Variants in ELAPOR1 observed in about 807,000 individuals in gnomAD.
ELAPOR1 encodes endosome-lysosome associated apoptosis and autophagy regulator 1.
ELAPOR1 carries 77 observed loss-of-function variants against 119.7 expected under a neutral mutation model. The observed-to-expected ratio is 0.64, with a 90% CI of 0.54 to 0.78. ELAPOR1 has a LOEUF of 0.78. Among genes scored for constraint, ELAPOR1 ranks in the 30% least tolerant of loss-of-function variants. The pLI, the probability that ELAPOR1 is intolerant of heterozygous loss-of-function variation, is 0.00. For missense variants in ELAPOR1, 1,115 were observed against 1,270.4 expected (o/e 0.88, Z 1.86); for synonymous variants, 481 against 487.2 (o/e 0.99, Z 0.17).
intron 1 of ELAPOR1, among the ~76,000 whole-genome samples, chr1:109,127,503 C>T (rs1211903604): frequency 6.6e-6 from 1 of 151,850 alleles, no homozygotes; most frequent in African/African-American, 2.4e-5. Flanking sequence ...TGTGAGCCAC[C>T]GCACCCAGCC....
intron 11 of ELAPOR1, among the ~76,000 whole-genome samples, chr1:109,190,612 G>A (rs898269756): frequency 6.6e-6 from 1 of 152,172 alleles, no homozygotes; most frequent in Non-Finnish European, 1.5e-5. Context: ...CTCAGAGCTA[G>A]CCAGATGAAT....
intron 1 of ELAPOR1, among the ~76,000 whole-genome samples, chr1:109,121,391 C>A (rs1400097829): frequency 3.3e-5 from 5 of 152,250 alleles, no homozygotes; most frequent in African/African-American, 9.6e-5. Flanking sequence ...GGGTGATCCA[C>A]CCCCCTCAGC....
intron 1 of ELAPOR1, among the ~76,000 whole-genome samples, chr1:109,150,180 G>A (rs34336621): frequency 0.027 from 4,058 of 152,296 alleles, 73 homozygotes; most frequent in Middle Eastern, 0.048. Context: ...CCCCAGGTCC[G>A]TGTGGAGGCC....
At chr1:109,152,086 C>A (rs1164437269) in intron 1 of ELAPOR1, among the ~76,000 whole-genome samples, 1 of 152,158 alleles carries the variant, frequency 6.6e-6, no homozygotes, top group Admixed American at 6.5e-5. Context: ...ATTGCCCAGG[C>A]TGGTCTTGAA....
In ELAPOR1 at chr1:109,205,262, A is replaced by G. The variant is rs1323919229; in HGVS notation, c.*2250A>G. On this transcript the variant is annotated 3_prime_UTR_variant, in exon 22 of 22. Transcript: ENST00000369939. ...TGATTTGTGCCTGTGCCCTTTCTCCAGTGACCATTTGGTGACCAGATGGTA... is the reference window on the plus strand; with the variant it reads ...TGATTTGTGCCTGTGCCCTTTCTCCGGTGACCATTTGGTGACCAGATGGTA... 1.3e-5 allele frequency: 2 copies of G among 152,218 alleles called. No individual in the cohort carries two copies. 9.4% of individuals were successfully genotyped at this position (152,218 alleles called of 1,614,324 possible).
intron 1 of ELAPOR1, among the ~76,000 whole-genome samples, chr1:109,147,996 A>C (rs1558032036): frequency 7.1e-6 from 1 of 139,886 alleles, no homozygotes; most frequent in African/African-American, 2.6e-5. Flanking sequence ...CGCCCGGCTA[A>C]TTTTTTTTTT....
chr1:109,114,496 A>G (rs1173875214), intron 1 of ELAPOR1, among the ~76,000 whole-genome samples, 160 bp downstream of exon 1: 1 of 152,142 alleles, frequency 6.6e-6, no homozygotes, highest in Non-Finnish European at 1.5e-5. Flanking sequence ...GTCTGGCGTC[A>G]TGAGGAGGCC....
chr1:109,124,316 G>A (rs1282981104), intron 1 of ELAPOR1, among the ~76,000 whole-genome samples: 1 of 151,670 alleles, frequency 6.6e-6, no homozygotes, highest in Non-Finnish European at 1.5e-5. Flanking sequence ...GTATAACCTT[G>A]AACTCTTGGG....
intron 1 of ELAPOR1, among the ~76,000 whole-genome samples, chr1:109,150,109 C>T (rs1650436105): frequency 6.6e-6 from 1 of 151,556 alleles, no homozygotes; most frequent in Admixed American, 6.6e-5. Flanking sequence ...GCTTAAATTA[C>T]TCACAGACTG....
At chr1:109,198,824 C>T (rs543106419) in intron 18 of ELAPOR1, 150 bp downstream of exon 18, 1 of 647,590 alleles carries the variant, frequency 1.5e-6, no homozygotes, top group African/African-American at 1.8e-5. Context: ...GCCCCAGACC[C>T]TCAGTCTTCA....
intron 1 of ELAPOR1, among the ~76,000 whole-genome samples, chr1:109,133,769 G>T (rs1360386539): frequency 6.6e-6 from 1 of 152,196 alleles, no homozygotes; most frequent in Non-Finnish European, 1.5e-5. Flanking sequence ...GGAGGAAATA[G>T]ATAGCTTGTT....
At chr1:109,146,825 A>G (rs1041055645) in intron 1 of ELAPOR1, among the ~76,000 whole-genome samples, 2 of 152,066 alleles carry the variant, frequency 1.3e-5, no homozygotes, top group Non-Finnish European at 2.9e-5. Flanking sequence ...CTGTAACCTC[A>G]AACTCCTGGG....
chr1:109,186,259 G>C (rs1371223801), intron 8 of ELAPOR1, among the ~76,000 whole-genome samples: 1 of 152,104 alleles, frequency 6.6e-6, no homozygotes, highest in East Asian at 1.9e-4. Flanking sequence ...GGGCCAGGTG[G>C]GTGGAGAAAC....
At chr1:109,117,037 G>A (rs1208482882) in intron 1 of ELAPOR1, among the ~76,000 whole-genome samples, 1 of 144,086 alleles carries the variant, frequency 6.9e-6, no homozygotes, top group Non-Finnish European at 1.5e-5. Context: ...GTGAGCTGAT[G>A]TTGGGTGTTG....
At chr1:109,197,044 G>A (rs1401223093) in intron 15 of ELAPOR1, among the ~76,000 whole-genome samples, 1 of 150,800 alleles carries the variant, frequency 6.6e-6, no homozygotes, top group Non-Finnish European at 1.5e-5. Flanking sequence ...GCTCACCCCT[G>A]TAATCCCAAC....
At chr1:109,177,495 G>T (rs1165137099) in intron 7 of ELAPOR1, among the ~76,000 whole-genome samples, 92 of 106,526 alleles carry the variant, frequency 8.6e-4, no homozygotes, top group East Asian at 1.8e-3. Flanking sequence ...TTCCCAGATG[G>T]GATGGCGGCC....
At chr1:109,173,426 C>G in intron 5 of ELAPOR1, 48 bp from the exon 6 acceptor site, 3 of 1,507,510 alleles carry the variant, frequency 2.0e-6, no homozygotes, top group Non-Finnish European at 2.8e-6. Flanking sequence ...AACAGATTAG[C>G]GAGATTTTTC....
At chr1:109,161,687 A>T (rs1651269035) in intron 1 of ELAPOR1, 1 of 484,906 alleles carries the variant, frequency 2.1e-6, no homozygotes, top group Non-Finnish European at 3.8e-6. Context: ...ATTTCTAGGG[A>T]CTAGACCATG....
In ELAPOR1 at chr1:109,199,950, T is replaced by C. The variant is rs777283845; in HGVS notation, c.2598T>C (p.Ala866=). Residue 866 remains alanine, a synonymous_variant, in exon 19 of 22, where the codon GCT becomes GCC. Coordinates refer to ENST00000369939, the MANE Select transcript of ELAPOR1 (RefSeq NM_020775.5). The part of the protein sequence containing the change: ...CPLCSVADYH[A]IVSSCVAGIQ... Reference sequence around the variant, plus strand: ...TCTGCTCAGTGGCTGACTACCATGCTATCGTCAGCAGCTGTGTGGCTGGGA... The same window carrying C: ...TCTGCTCAGTGGCTGACTACCATGCCATCGTCAGCAGCTGTGTGGCTGGGA... The C allele has an allele frequency of 9.9e-6, 16 of 1,614,160 alleles. No homozygotes were observed. In the South Asian group the frequency reaches 1.6e-4, roughly 17 times the overall value.
Sources: allele counts gnomAD v4.1 joint callset (sites outside exome capture counted in the v4.1 genomes callset), GRCh38; gene constraint gnomAD v4.1.1; transcripts MANE v1.5; gene names NCBI Gene and HGNC (gene_info 2026-07-23, HGNC 2026-07-21).